ZNF407: variants seen among roughly 807,000 people sequenced by gnomAD.
ZNF407 encodes zinc finger protein 407.
Under a neutral mutation model 131.2 loss-of-function variants are expected in ZNF407, and 17 were observed. That is an observed-to-expected ratio of 0.13 (90% CI 0.09 to 0.19). The LOEUF (loss-of-function observed/expected upper bound fraction) is 0.19. Among genes scored for constraint, ZNF407 ranks in the 10% least tolerant of loss-of-function variants. The probability of loss-of-function intolerance (pLI) is 1.00; values close to 1 mark genes in which losing one functional copy is unlikely to be tolerated. For synonymous variants in ZNF407, 1,156 were observed against 1,062.0 expected, an observed-to-expected ratio of 1.09 and a Z score of -1.72; for missense variants, 2,681 against 2,830.6, an observed-to-expected ratio of 0.95 and a Z score of 1.20.
intron 4 of ZNF407, among the ~76,000 whole-genome samples, chr18:74,833,749 G>T (rs147655887): frequency 1.6e-3 from 245 of 152,328 alleles, no homozygotes; most frequent in Middle Eastern, 0.014. Context: ...CACTCTGGCT[G>T]ACTCGGGCCA....
At chr18:74,609,059 G>C (rs1225143038) in intron 1 of ZNF407, among the ~76,000 whole-genome samples, 6 of 152,054 alleles carry the variant, frequency 3.9e-5, no homozygotes, top group Non-Finnish European at 8.8e-5. Context: ...CATATCTTGA[G>C]AAGGTTTGTT....
intron 8 of ZNF407, among the ~76,000 whole-genome samples, chr18:75,016,621 G>A (rs924701468): frequency 5.9e-5 from 9 of 152,124 alleles, no homozygotes; most frequent in East Asian, 1.9e-4. Context: ...CCTAAGATAC[G>A]GAATTTAAGA....
chr18:74,812,287 A>G (rs1182261574), intron 4 of ZNF407, among the ~76,000 whole-genome samples: 2 of 152,180 alleles, frequency 1.3e-5, no homozygotes, highest in African/African-American at 4.8e-5. Context: ...TGAAATGTAA[A>G]TGAGATACAC....
intron 8 of ZNF407, among the ~76,000 whole-genome samples, chr18:74,957,299 C>T (rs1305896944): frequency 6.6e-6 from 1 of 152,180 alleles, no homozygotes; most frequent in Non-Finnish European, 1.5e-5. Flanking sequence ...CCACGCCCCT[C>T]AGCCAACCGT....
At chr18:74,945,731 T>G (rs1172609718) in intron 8 of ZNF407, among the ~76,000 whole-genome samples, 1 of 152,234 alleles carries the variant, frequency 6.6e-6, no homozygotes, top group East Asian at 1.9e-4. Context: ...TCTTTATCTT[T>G]AACAGGTTTG....
intron 4 of ZNF407, among the ~76,000 whole-genome samples, chr18:74,848,389 G>A (rs1253322437): frequency 6.6e-6 from 1 of 152,104 alleles, no homozygotes; most frequent in Non-Finnish European, 1.5e-5. Flanking sequence ...AAAAAAGAAT[G>A]AAAAGAAGGT....
chr18:74,803,883 G>A (rs768759), intron 4 of ZNF407: 116,770 of 1,474,148 alleles, frequency 0.079, 7,529 homozygotes, highest in African/African-American at 0.33. Flanking sequence ...ATGACGGAGC[G>A]AAAAATGTTC....
chr18:74,978,955 C>A (rs938565155), intron 8 of ZNF407, among the ~76,000 whole-genome samples: 5 of 151,942 alleles, frequency 3.3e-5, no homozygotes, highest in African/African-American at 7.3e-5. Flanking sequence ...GGGCTGTGGG[C>A]GGCAAATGAG....
At chr18:74,605,814 G>A (rs993114193) in intron 1 of ZNF407, among the ~76,000 whole-genome samples, 6 of 152,106 alleles carry the variant, frequency 3.9e-5, no homozygotes, top group Admixed American at 6.5e-5. Flanking sequence ...AGAAAGGTAC[G>A]TCATTAACTA....
intron 3 of ZNF407, among the ~76,000 whole-genome samples, chr18:74,649,574 A>C (rs569210907): frequency 1.3e-5 from 2 of 152,206 alleles, no homozygotes; most frequent in Non-Finnish European, 2.9e-5. Flanking sequence ...TTTATTTTAA[A>C]AATAGGGTTT....
Position 74,857,461 on chromosome 18 carries a change from G to C in ZNF407, c.4878-19736G>C, listed in dbSNP as rs1013094108. On this transcript the variant is annotated intron_variant, in intron 4 of 8. Transcript: ENST00000299687. ...AATTCCTTGAATTTATTGAGCACCT[G>C]TTAGGTGCTAGGCACTAGGCTAGGC... 7.7e-4 allele frequency among the ~76,000 whole-genome samples: 117 copies of C among 152,214 alleles called. 1 individual carries two copies. Among genetic ancestry groups the C allele is most frequent in the African/African-American group, 2.4e-3 (101 of 41,518 alleles).
At chr18:74,773,210 A>G (rs1255079463) in intron 3 of ZNF407, among the ~76,000 whole-genome samples, 1 of 152,214 alleles carries the variant, frequency 6.6e-6, no homozygotes, top group Non-Finnish European at 1.5e-5. Context: ...TAAGATGAGG[A>G]ACGAGAATCG....
chr18:74,720,422 T>G (rs961766299), intron 3 of ZNF407, among the ~76,000 whole-genome samples: 3 of 152,042 alleles, frequency 2.0e-5, no homozygotes, highest in African/African-American at 7.2e-5. Context: ...GGATAAGTAG[T>G]TTACAGGTAT....
intron 3 of ZNF407, among the ~76,000 whole-genome samples, chr18:74,673,857 A>C (rs1393280528): frequency 6.6e-6 from 1 of 152,232 alleles, no homozygotes; most frequent in East Asian, 1.9e-4. Context: ...AACAGCGTAC[A>C]TAGGTAAATT....
In ZNF407 at chr18:74,826,096, TA is replaced by T. The variant is rs139774458; in HGVS notation, c.4877+44595del. Among the ~76,000 whole-genome samples, 92 of 152,378 alleles carry T rather than the reference TA, an allele frequency of 6.0e-4. 1 individual carries two copies. In the East Asian group the frequency reaches 0.016, roughly 27 times the overall value. ...AGGAATTTCCATGAGTTTTTATTATTAGGTTACTTTACTTTTGTAGAACTTT... is the reference window on the plus strand; with the variant it reads ...AGGAATTTCCATGAGTTTTTATTATTGGTTACTTTACTTTTGTAGAACTTT... On this transcript the variant is annotated intron_variant, in intron 4 of 8. Transcript: ENST00000299687.
At chr18:74,892,210 G>A (rs566460322) in intron 7 of ZNF407, among the ~76,000 whole-genome samples, 2 of 152,086 alleles carry the variant, frequency 1.3e-5, no homozygotes, top group South Asian at 2.1e-4. Context: ...CCAATTAGCC[G>A]CAGCATCCAG....
chr18:75,008,355 G>C (rs1197039426), intron 8 of ZNF407, among the ~76,000 whole-genome samples: 1 of 152,094 alleles, frequency 6.6e-6, no homozygotes, highest in East Asian at 1.9e-4. Context: ...CTGCAAAGAA[G>C]GAAAAATGTC....
chr18:74,616,565 G>GT (rs1188730558), intron 1 of ZNF407, among the ~76,000 whole-genome samples: 3 of 151,580 alleles, frequency 2.0e-5, no homozygotes, highest in African/African-American at 7.3e-5. Flanking sequence ...TCTGATTGTT[G>GT]TTTTTTCACT....
chr18:74,702,594 A>G (rs919899733), intron 3 of ZNF407, among the ~76,000 whole-genome samples: 1 of 152,140 alleles, frequency 6.6e-6, no homozygotes, highest in Non-Finnish European at 1.5e-5. Flanking sequence ...CTAAATTGAG[A>G]TACATTTAGT....
Sources: gnomAD v4.1 joint callset for allele counts (sites outside exome capture counted in the v4.1 genomes callset) on GRCh38, gnomAD v4.1.1 for gene constraint, MANE v1.5 for transcripts, NCBI Gene and HGNC (gene_info 2026-07-23, HGNC 2026-07-21) for gene names.